The following SULF2 variants were observed in gnomAD, a reference collection of about 807,000 sequenced individuals.
SULF2 encodes sulfatase 2.
SULF2 carries 52 observed loss-of-function variants against 107.7 expected under a neutral mutation model. The observed-to-expected ratio is 0.48, with a 90% CI of 0.39 to 0.61. The LOEUF is 0.61. Among genes scored for constraint, SULF2 ranks in the 20% least tolerant of loss-of-function variants. The pLI, the probability that SULF2 is intolerant of heterozygous loss-of-function variation, is 0.00. For synonymous variants in SULF2, 460 were observed against 464.3 expected (o/e 0.99, Z 0.12); for missense variants, 993 against 1,177.3 (o/e 0.84, Z 2.29).
chr20:47,720,027 C>A (rs923403966), intron 3 of SULF2, among the ~76,000 whole-genome samples: 8 of 152,190 alleles, frequency 5.3e-5, no homozygotes, highest in Non-Finnish European at 1.2e-4. Flanking sequence ...GCACTCACTG[C>A]AAGCTCCACC....
chr20:47,678,875 G>C lies in SULF2; in HGVS notation c.1065-71C>G. 1 of 1,389,216 alleles carries C rather than the reference G, an allele frequency of 7.2e-7. No homozygotes were observed. Among genetic ancestry groups the C allele is most frequent in the South Asian group, 1.2e-5 (1 of 84,876 alleles). The allele number at this position is 1,389,216 out of a possible 1,614,324, so 86.1% of individuals were successfully genotyped here. ...GCCTCAGCCTCGCGTGGGGGGTGGGGAGCGGTAGGTGGGCAGCAGTTTGTG... is the reference window on the plus strand; with the variant it reads ...GCCTCAGCCTCGCGTGGGGGGTGGGCAGCGGTAGGTGGGCAGCAGTTTGTG... On this transcript the variant is annotated intron_variant, in intron 7 of 20. Coordinates refer to ENST00000688720, the MANE Select transcript of SULF2 (RefSeq NM_001387048.1). This position sits in a 1 kb window ranked among gnomAD's most constrained non-coding sequence, Gnocchi z 4.5.
chr20:47,778,756 T>C (rs148964220), intron 1 of SULF2, among the ~76,000 whole-genome samples: 1 of 152,296 alleles, frequency 6.6e-6, no homozygotes, highest in East Asian at 1.9e-4. Context: ...TTCAGGAACT[T>C]CTTGGAAATG....
chr20:47,679,405 A>G (rs1266241392), intron 7 of SULF2, among the ~76,000 whole-genome samples: 2 of 152,134 alleles, frequency 1.3e-5, no homozygotes, highest in South Asian at 4.1e-4. Flanking sequence ...GTGTGGACCA[A>G]CCTGCACCTG....
At position 47,680,662 on chromosome 20, in the gene SULF2, G is replaced by GT. The variant is rs2087794395; in HGVS notation, c.1065-1859dup. 6.6e-6 allele frequency among the ~76,000 whole-genome samples: 1 copy of GT among 152,228 alleles called. No individual in the cohort carries two copies. The highest frequency in any genetic ancestry group is 2.4e-5 in the African/African-American group (1 of 41,456). ...GTGTGCAGCTGCTGAAGATGGGGCT[G>GT]TGTCATGGGGGGCTCGAAGGCCAGC... is the stretch of plus-strand genomic sequence containing the variant. On this transcript the variant is annotated intron_variant, in intron 7 of 20. Coordinates refer to ENST00000688720, the MANE Select transcript of SULF2 (RefSeq NM_001387048.1). This position sits in a 1 kb window ranked among gnomAD's most constrained non-coding sequence, Gnocchi z 4.2.
intron 3 of SULF2, among the ~76,000 whole-genome samples, chr20:47,728,055 G>A (rs1473094536): frequency 6.6e-6 from 1 of 152,154 alleles, no homozygotes; most frequent in Non-Finnish European, 1.5e-5. Flanking sequence ...GGGAAGGCTG[G>A]GTGTTCGCTG....
At chr20:47,720,370 C>T (rs2089252048) in intron 3 of SULF2, among the ~76,000 whole-genome samples, 1 of 152,090 alleles carries the variant, frequency 6.6e-6, no homozygotes, top group South Asian at 2.1e-4. Flanking sequence ...ATTCTCCCAC[C>T]TTAGCCTCCT....
chr20:47,772,623 C>T (rs532990658), intron 1 of SULF2, among the ~76,000 whole-genome samples: 5 of 152,232 alleles, frequency 3.3e-5, no homozygotes, highest in Admixed American at 6.5e-5. Context: ...AAGGTTTTTA[C>T]GTTGGAAATG....
chr20:47,692,370 C>A (rs2088226282), intron 4 of SULF2, among the ~76,000 whole-genome samples: 2 of 152,056 alleles, frequency 1.3e-5, no homozygotes, highest in Non-Finnish European at 2.9e-5. Context: ...TTGCAGTGAC[C>A]AGCAGGAGGA....
chr20:47,767,986 G>A (rs2146956153), intron 1 of SULF2, among the ~76,000 whole-genome samples: 2 of 152,062 alleles, frequency 1.3e-5, no homozygotes, highest in East Asian at 3.9e-4. Flanking sequence ...CTCCAGTTCT[G>A]GAGCTACAAT....
chr20:47,742,264 G>A (rs559410749), intron 2 of SULF2, among the ~76,000 whole-genome samples: 2 of 152,196 alleles, frequency 1.3e-5, no homozygotes, highest in Non-Finnish European at 2.9e-5. Flanking sequence ...CCGACGGGAG[G>A]GAAGGACCTG....
intron 5 of SULF2, among the ~76,000 whole-genome samples, chr20:47,688,940 T>C (rs1018898021): frequency 6.6e-6 from 1 of 152,166 alleles, no homozygotes; most frequent in African/African-American, 2.4e-5. Context: ...AGCCCCAGAA[T>C]GTCACAGTAA....
intron 9 of SULF2, 150 bp from the exon 10 acceptor site, chr20:47,676,773 G>T: frequency 2.2e-6 from 2 of 908,694 alleles, no homozygotes; most frequent in Non-Finnish European, 3.2e-6. Flanking sequence ...GTCTTCTGAT[G>T]TTTAGGAAAC....
At chr20:47,716,203 T>A (rs550291615) in intron 3 of SULF2, among the ~76,000 whole-genome samples, 1 of 152,334 alleles carries the variant, frequency 6.6e-6, no homozygotes, top group South Asian at 2.1e-4. Context: ...TTAAAACATA[T>A]TTGTTCACTC....
In SULF2 at chr20:47,658,180, A is replaced by C; in HGVS notation, c.*182T>G. ...GCAGGGGCAAAAATGGACTTCCTGAAGTTATCTCTGCTCCTGCTGGTTATC... is the reference window on the plus strand; with the variant it reads ...GCAGGGGCAAAAATGGACTTCCTGACGTTATCTCTGCTCCTGCTGGTTATC... On this transcript the variant is annotated 3_prime_UTR_variant, in exon 21 of 21. Coordinates refer to ENST00000688720, the MANE Select transcript of SULF2 (RefSeq NM_001387048.1). The C allele has an allele frequency of 3.1e-6, 2 of 652,906 alleles. No individual in the cohort carries two copies. Among genetic ancestry groups the C allele is most frequent in the South Asian group, 1.9e-5 (1 of 53,504 alleles). 40.4% of individuals were successfully genotyped at this position (652,906 alleles called of 1,614,324 possible). A position where few individuals can be genotyped will look rare whatever the true frequency, so the allele number is the denominator to read the frequency against.
chr20:47,722,560 C>T (rs1210298546), intron 3 of SULF2, among the ~76,000 whole-genome samples: 1 of 152,134 alleles, frequency 6.6e-6, no homozygotes, highest in African/African-American at 2.4e-5. Context: ...CCGTGCCTGG[C>T]CTTGTTCAAA....
intron 3 of SULF2, among the ~76,000 whole-genome samples, chr20:47,716,434 G>A (rs1303025892): frequency 6.6e-6 from 1 of 152,148 alleles, no homozygotes; most frequent in Non-Finnish European, 1.5e-5. Context: ...GAACCCAGGA[G>A]GTGGAGGTTG....
chr20:47,751,824 G>A (rs1234874808), intron 2 of SULF2, among the ~76,000 whole-genome samples: 1 of 152,232 alleles, frequency 6.6e-6, no homozygotes, highest in Non-Finnish European at 1.5e-5. Flanking sequence ...AACACCCAGT[G>A]GAAGGCTGGT....
At chr20:47,715,742 T>C (rs577787291) in intron 3 of SULF2, among the ~76,000 whole-genome samples, 81 of 152,110 alleles carry the variant, frequency 5.3e-4, no homozygotes, top group Non-Finnish European at 9.1e-4. Context: ...CCACCATGCC[T>C]GGCTAATTTT....
Position 47,714,385 on chromosome 20 carries a change from A to C in SULF2, c.416-11715T>G, listed in dbSNP as rs555650355. 9.9e-5 allele frequency among the ~76,000 whole-genome samples: 15 copies of C among 152,162 alleles called. No homozygotes were observed. In the South Asian group the frequency reaches 3.1e-3, roughly 32 times the overall value. ...CAATGCCAGTGGGTCAAGGCTACGC[A>C]CCATGGAGGGGACTTCAGCTCCTCT... On this transcript the variant is annotated intron_variant, in intron 3 of 20. Coordinates refer to ENST00000688720, the MANE Select transcript of SULF2 (RefSeq NM_001387048.1).
Sources: gnomAD v4.1 joint callset for allele counts (sites outside exome capture counted in the v4.1 genomes callset) on GRCh38, gnomAD v4.1.1 for gene constraint, Gnocchi (gnomAD v3.1) non-coding constraint, MANE v1.5 for transcripts, NCBI Gene and HGNC (gene_info 2026-07-23, HGNC 2026-07-21) for gene names.